The following OR1Q1 variants were observed in gnomAD, a reference collection of about 807,000 sequenced individuals.
OR1Q1 encodes the protein olfactory receptor family 1 subfamily Q member 1.
For missense variants in OR1Q1, 362 were observed against 391.1 expected (o/e 0.93, Z 0.63); for synonymous variants, 151 against 143.0 (o/e 1.06, Z -0.40).
Position 122,614,826 on chromosome 9 carries a change from T to G in OR1Q1, c.89T>G (p.Val30Gly). ...GAAGAGCAAATCCCACTCTTCCTTG[T>G]TTTCTCACTCATGTACGCAATCAAT... is the stretch of plus-strand genomic sequence containing the variant. ...HPEEQIPLFLVFSLMYAINIS... is the reference protein window; with the variant it reads ...HPEEQIPLFLGFSLMYAINIS... The change falls in exon 1 of 1, where the codon GTT becomes GGT. Residue 30 changes from valine (V) to glycine (G), a missense_variant. Coordinates refer to ENST00000297913, the MANE Select transcript of OR1Q1 (RefSeq NM_012364.1). 6.2e-7 allele frequency: 1 copy of G among 1,614,070 alleles called. No homozygotes were observed. Among genetic ancestry groups the G allele is most frequent in the Non-Finnish European group, 8.5e-7 (1 of 1,179,958 alleles).
rs764018659 is a variant in OR1Q1, at chr9:122,615,062, G to A, written c.325G>A (p.Val109Ile). Residue 109 changes from valine to isoleucine, a missense_variant, in exon 1 of 1, where the codon GTC becomes ATC. By Grantham distance (29) the Val-to-Ile change is conservative. Coordinates refer to ENST00000297913, the MANE Select transcript of OR1Q1 (RefSeq NM_012364.1). ...AQTYFFICFAVMENFILAVMA... is the reference protein window; with the variant it reads ...AQTYFFICFAIMENFILAVMA... ...AACTTATTTCTTCATTTGCTTCGCC[G>A]TCATGGAAAACTTCATCCTGGCTGT... The A allele has an allele frequency of 2.5e-5, 41 of 1,614,102 alleles. No individual in the cohort carries two copies. The highest frequency in any genetic ancestry group is 5.5e-5 in the South Asian group (5 of 91,070).
At position 122,615,043 on chromosome 9, in the gene OR1Q1, T is replaced by C. The variant is rs1258412760; in HGVS notation, c.306T>C (p.Tyr102=). The C allele has an allele frequency of 1.2e-6, 2 of 1,614,112 alleles. No homozygotes were observed. The highest frequency in any genetic ancestry group is 1.7e-5 in the Admixed American group (1 of 60,014). The part of the protein sequence containing the change: ...ISYTGCLAQT[Y]FFICFAVMEN... ...ACACAGGCTGTTTAGCCCAAACTTA[T>C]TTCTTCATTTGCTTCGCCGTCATGG... Residue 102 remains tyrosine, a synonymous_variant, in exon 1 of 1, where the codon TAT becomes TAC. Coordinates refer to ENST00000297913, the MANE Select transcript of OR1Q1 (RefSeq NM_012364.1).
At position 122,615,517 on chromosome 9, in the gene OR1Q1, C is replaced by T. The variant is rs773531237; in HGVS notation, c.780C>T (p.Phe260=). The change falls in exon 1 of 1, where the codon TTC becomes TTT. Residue 260 remains phenylalanine, a synonymous_variant. Coordinates refer to ENST00000297913, the MANE Select transcript of OR1Q1 (RefSeq NM_012364.1). ...ATGGCACCCTCAGTTGGGTCTACTT[C>T]CGGCCCCTTTCCAGCTATTCAGTGA... ...IFYGTLSWVY[F]RPLSSYSVTK... 1 of 1,611,620 alleles carries T rather than the reference C, an allele frequency of 6.2e-7. No individual in the cohort carries two copies.
In OR1Q1 at chr9:122,615,113, A is replaced by G. The variant is rs1830043313; in HGVS notation, c.376A>G (p.Ile126Val). ...AVMAYDRYIAICHPFHYTMIL... is the reference protein window; with the variant it reads ...AVMAYDRYIAVCHPFHYTMIL... ...GATGGCCTATGACAGGTACATTGCC[A>G]TCTGCCACCCTTTCCACTACACTAT... The change falls in exon 1 of 1, where the codon ATC (isoleucine) becomes GTC (valine). Residue 126 changes from isoleucine (I) to valine (V), a missense_variant. Ile to Val is a conservative substitution (Grantham distance 29, BLOSUM62 3). Coordinates refer to ENST00000297913, the MANE Select transcript of OR1Q1 (RefSeq NM_012364.1). The G allele has an allele frequency of 6.2e-7, 1 of 1,614,182 alleles. No homozygotes were observed. The highest frequency in any genetic ancestry group is 8.5e-7 in the Non-Finnish European group (1 of 1,180,024).
In OR1Q1 at chr9:122,615,261, C is replaced by T. The variant is rs55957445; in HGVS notation, c.524C>T (p.Pro175Leu). Residue 175 changes from proline to leucine, a missense_variant, in exon 1 of 1, where the codon CCC becomes CTC. Transcript: ENST00000297913. ...ATCTTCTGTGCAGATAACAGAATCC[C>T]CCACTTCTTCTGTGACCTCTACGCT... ...QLIFCADNRIPHFFCDLYALM... is the reference protein window; with the variant it reads ...QLIFCADNRILHFFCDLYALM... 2.3e-3 allele frequency: 3,662 copies of T among 1,614,110 alleles called. 8 individuals are homozygous for T. Among genetic ancestry groups the T allele is most frequent in the Non-Finnish European group, 2.6e-3 (3,053 of 1,179,980 alleles).
Position 122,615,557 on chromosome 9 carries a change from A to T in OR1Q1, c.820A>T (p.Ile274Leu). 8.7e-6 allele frequency: 14 copies of T among 1,605,506 alleles called. No individual in the cohort carries two copies. Among genetic ancestry groups the T allele is most frequent in the Non-Finnish European group, 1.2e-5 (14 of 1,175,954 alleles). The change falls in exon 1 of 1, where the codon ATA (isoleucine) becomes TTA (leucine). Residue 274 changes from isoleucine (I) to leucine (L), a missense_variant. Physicochemically the swap from Ile to Leu is conservative, Grantham distance 5 (BLOSUM62 2). Coordinates refer to ENST00000297913, the MANE Select transcript of OR1Q1 (RefSeq NM_012364.1). ...SSYSVTKGRI[I>L]TVVYTVVTPM... ...CTATTCAGTGACCAAGGGTCGCATTATAACAGTCGTGTACACAGTGGTGAC... is the reference window on the plus strand; with the variant it reads ...CTATTCAGTGACCAAGGGTCGCATTTTAACAGTCGTGTACACAGTGGTGAC...
In OR1Q1 at chr9:122,614,940, T is replaced by TGACA; in HGVS notation, c.208_211dup (p.Ile71ArgfsTer52). On this transcript the variant is annotated frameshift_variant, in exon 1 of 1. Transcript: ENST00000297913. LOFTEE classifies it low-confidence loss of function (END_TRUNC). ...TACATCTTCCTCAGTAACTTGGCCT[T>TGACA]GACAGACATCTGCTTCACCTCCACC... The TGACA allele has an allele frequency of 6.2e-7, 1 of 1,614,218 alleles. No homozygotes were observed. Among genetic ancestry groups the TGACA allele is most frequent in the Non-Finnish European group, 8.5e-7 (1 of 1,180,036 alleles).
chr9:122,615,506 T>C lies in OR1Q1; in HGVS notation c.769T>C (p.Trp257Arg), dbSNP rs775182641. 7.4e-6 allele frequency: 12 copies of C among 1,613,094 alleles called. No individual in the cohort carries two copies. The highest frequency in any genetic ancestry group is 3.3e-5 in the Admixed American group (2 of 59,964). Residue 257 changes from tryptophan (W) to arginine (R), a missense_variant, in exon 1 of 1, where the codon TGG (tryptophan) becomes CGG (arginine). Transcript: ENST00000297913. ...VVAIFYGTLS[W>R]VYFRPLSSYS... ...GGCCATATTCTATGGCACCCTCAGTTGGGTCTACTTCCGGCCCCTTTCCAG... is the reference window on the plus strand; with the variant it reads ...GGCCATATTCTATGGCACCCTCAGTCGGGTCTACTTCCGGCCCCTTTCCAG...
Position 122,615,595 on chromosome 9 carries a change from C to A in OR1Q1, c.858C>A (p.Asn286Lys). Reference sequence around the variant, plus strand: ...ACACAGTGGTGACTCCCATGCTGAACCCCTTCATCTACAGCCTGAGGAATG... The same window carrying A: ...ACACAGTGGTGACTCCCATGCTGAAACCCTTCATCTACAGCCTGAGGAATG... The part of the protein sequence containing the change: ...VVYTVVTPML[N>K]PFIYSLRNGD... The change falls in exon 1 of 1, where the codon AAC becomes AAA. Residue 286 changes from asparagine to lysine, a missense_variant. Coordinates refer to ENST00000297913, the MANE Select transcript of OR1Q1 (RefSeq NM_012364.1). The A allele has an allele frequency of 6.3e-7, 1 of 1,599,130 alleles. No homozygotes were observed. Among genetic ancestry groups the A allele is most frequent in the South Asian group, 1.1e-5 (1 of 87,830 alleles).
In OR1Q1 at chr9:122,615,348, C is replaced by T. The variant is rs747130318; in HGVS notation, c.611C>T (p.Ala204Val). 6.2e-6 allele frequency: 10 copies of T among 1,614,084 alleles called. No homozygotes were observed. In the East Asian group the frequency reaches 1.3e-4, roughly 22 times the overall value. The change falls in exon 1 of 1, where the codon GCT becomes GTT. Residue 204 changes from alanine (A) to valine (V), a missense_variant. Physicochemically the swap from Ala to Val is moderately conservative, Grantham distance 64. Coordinates refer to ENST00000297913, the MANE Select transcript of OR1Q1 (RefSeq NM_012364.1). ...ACCCTTATGATTCACACAGAAGGTG[C>T]TGTTGTAATCAGTGGAGCTCTGGCC... ...LNTLMIHTEG[A>V]VVISGALAFI...
chr9:122,614,878 A>C lies in OR1Q1; in HGVS notation c.141A>C (p.Thr47=). Residue 47 remains threonine, a synonymous_variant, in exon 1 of 1, where the codon ACA becomes ACC. Transcript: ENST00000297913. ...TTTCTGGCAACTTGGCCATCATCAC[A>C]CTGATTCTCTCTGCTCCACGCCTCC... ...INISGNLAII[T]LILSAPRLHI... 1 of 1,613,944 alleles carries C rather than the reference A, an allele frequency of 6.2e-7. No individual in the cohort carries two copies.
In OR1Q1 at chr9:122,615,516, T is replaced by C. The variant is rs1234423484; in HGVS notation, c.779T>C (p.Phe260Ser). The C allele has an allele frequency of 1.2e-6, 2 of 1,611,790 alleles. No homozygotes were observed. Among genetic ancestry groups the C allele is most frequent in the South Asian group, 2.2e-5 (2 of 90,686 alleles). The stretch of plus-strand genomic sequence containing the variant: ...TATGGCACCCTCAGTTGGGTCTACT[T>C]CCGGCCCCTTTCCAGCTATTCAGTG... ...IFYGTLSWVY[F>S]RPLSSYSVTK... Residue 260 changes from phenylalanine (F) to serine (S), a missense_variant, in exon 1 of 1, where the codon TTC becomes TCC. Physicochemically the swap from Phe to Ser is radical, Grantham distance 155. Coordinates refer to ENST00000297913, the MANE Select transcript of OR1Q1 (RefSeq NM_012364.1).
chr9:122,614,764 G>A lies in OR1Q1; in HGVS notation c.27G>A (p.Val9=). The A allele has an allele frequency of 6.2e-7, 1 of 1,613,244 alleles. No homozygotes were observed. The highest frequency in any genetic ancestry group is 8.5e-7 in the Non-Finnish European group (1 of 1,179,444). The stretch of plus-strand genomic sequence containing the variant: ...TGGACAACAGCAACTGGACCAGTGT[G>A]TCCCATTTTGTTCTCTTGGGCATTT... MDNSNWTS[V]SHFVLLGIST... Residue 9 remains valine, a synonymous_variant, in exon 1 of 1, where the codon GTG becomes GTA. Transcript: ENST00000297913.
Position 122,615,219 on chromosome 9 carries a change from T to C in OR1Q1, c.482T>C (p.Phe161Ser). The C allele has an allele frequency of 6.2e-7, 1 of 1,613,966 alleles. No individual in the cohort carries two copies. The highest frequency in any genetic ancestry group is 8.5e-7 in the Non-Finnish European group (1 of 1,179,896). ...CACCTTCATGCCATGCTGCATACCTTTCTCATAGGCCAACTAATCTTCTGT... is the reference window on the plus strand; with the variant it reads ...CACCTTCATGCCATGCTGCATACCTCTCTCATAGGCCAACTAATCTTCTGT... ...LSHLHAMLHTFLIGQLIFCAD... is the reference protein window; with the variant it reads ...LSHLHAMLHTSLIGQLIFCAD... The change falls in exon 1 of 1, where the codon TTT becomes TCT. Residue 161 changes from phenylalanine (F) to serine (S), a missense_variant. Physicochemically the swap from Phe to Ser is radical, Grantham distance 155. Transcript: ENST00000297913.
In OR1Q1 at chr9:122,614,959, C is replaced by T. The variant is rs752470955; in HGVS notation, c.222C>T (p.Thr74=). 16 of 1,614,080 alleles carry T rather than the reference C, an allele frequency of 9.9e-6. No individual in the cohort carries two copies. The Admixed American group carries it at 1.3e-4, about 13-fold the overall frequency. The part of the protein sequence containing the change: ...SNLALTDICF[T]STTVPKMLQI... ...TGGCCTTGACAGACATCTGCTTCAC[C>T]TCCACCACGGTCCCCAAGATGCTGC... Residue 74 remains threonine, a synonymous_variant, in exon 1 of 1, where the codon ACC becomes ACT. Transcript: ENST00000297913.
chr9:122,615,660 T>C lies in OR1Q1; in HGVS notation c.923T>C (p.Met308Thr), dbSNP rs1830050557. 6.5e-7 allele frequency: 1 copy of C among 1,546,248 alleles called. No homozygotes were observed. Among genetic ancestry groups the C allele is most frequent in the Non-Finnish European group, 8.7e-7 (1 of 1,155,318 alleles). ...KGGFMKWMSR[M>T]QTFFFR Reference sequence around the variant, plus strand: ...GGCTTCATGAAATGGATGAGCAGAATGCAGACTTTTTTCTTTAGATAAAAC... The same window carrying C: ...GGCTTCATGAAATGGATGAGCAGAACGCAGACTTTTTTCTTTAGATAAAAC... The change falls in exon 1 of 1, where the codon ATG becomes ACG. Residue 308 changes from methionine to threonine, a missense_variant. Transcript: ENST00000297913.
Position 122,615,236 on chromosome 9 carries a change from A to C in OR1Q1, c.499A>C (p.Ile167Leu), listed in dbSNP as rs1830044667. 6.2e-7 allele frequency: 1 copy of C among 1,614,068 alleles called. No homozygotes were observed. The highest frequency in any genetic ancestry group is 8.5e-7 in the Non-Finnish European group (1 of 1,180,016). Residue 167 changes from isoleucine to leucine, a missense_variant, in exon 1 of 1, where the codon ATC becomes CTC. Transcript: ENST00000297913. ...GCATACCTTTCTCATAGGCCAACTAATCTTCTGTGCAGATAACAGAATCCC... is the reference window on the plus strand; with the variant it reads ...GCATACCTTTCTCATAGGCCAACTACTCTTCTGTGCAGATAACAGAATCCC... Reference protein sequence around the residue: ...MLHTFLIGQLIFCADNRIPHF... With the variant: ...MLHTFLIGQLLFCADNRIPHF...
chr9:122,614,938 C>T lies in OR1Q1; in HGVS notation c.201C>T (p.Ala67=), dbSNP rs769936501. Residue 67 remains alanine (A), a synonymous_variant, in exon 1 of 1, where the codon GCC becomes GCT. Transcript: ENST00000297913. The part of the protein sequence containing the change: ...IPMYIFLSNL[A]LTDICFTSTT... ...TGTACATCTTCCTCAGTAACTTGGC[C>T]TTGACAGACATCTGCTTCACCTCCA... 1.5e-5 allele frequency: 24 copies of T among 1,614,090 alleles called. No individual in the cohort carries two copies. In the East Asian group the frequency reaches 5.3e-4, roughly 36 times the overall value.
In OR1Q1 at chr9:122,615,263, C is replaced by T. The variant is rs1459256697; in HGVS notation, c.526C>T (p.His176Tyr). Residue 176 changes from histidine (H) to tyrosine (Y), a missense_variant, in exon 1 of 1, where the codon CAC (histidine) becomes TAC (tyrosine). By Grantham distance (83) the His-to-Tyr change is moderately conservative. Coordinates refer to ENST00000297913, the MANE Select transcript of OR1Q1 (RefSeq NM_012364.1). ...CTTCTGTGCAGATAACAGAATCCCC[C>T]ACTTCTTCTGTGACCTCTACGCTCT... is the stretch of plus-strand genomic sequence containing the variant. ...LIFCADNRIP[H>Y]FFCDLYALMK... The T allele has an allele frequency of 6.2e-7, 1 of 1,614,108 alleles. No individual in the cohort carries two copies. Among genetic ancestry groups the T allele is most frequent in the Admixed American group, 1.7e-5 (1 of 60,008 alleles).
Sources: allele counts gnomAD v4.1 joint callset, GRCh38; gene constraint gnomAD v4.1.1; transcripts MANE v1.5; gene names NCBI Gene and HGNC (gene_info 2026-07-23, HGNC 2026-07-21).